C12orf50: variants seen among roughly 807,000 people sequenced by gnomAD.
C12orf50 encodes the protein uncharacterized protein C12orf50.
A neutral mutation model predicts 61.6 loss-of-function variants in C12orf50; 35 were observed. The observed-to-expected ratio is 0.57, with a 90% CI of 0.43 to 0.75. The LOEUF (loss-of-function observed/expected upper bound fraction) is 0.75. Among genes scored for constraint, C12orf50 ranks in the 30% least tolerant of loss-of-function variants. The pLI, the probability that C12orf50 is intolerant of heterozygous loss-of-function variation, is 0.00. For missense variants in C12orf50, 475 were observed against 488.5 expected (o/e 0.97, Z 0.26); for synonymous variants, 178 against 161.5 (o/e 1.10, Z -0.77).
In C12orf50 at chr12:88,010,682, C is replaced by T. The variant is rs542246966; in HGVS notation, c.134-12492G>A. ...GATATTTCATCAAAAATAAAGACCACTGCTCATCACACCTTTCTATTTAAT... is the reference window on the plus strand; with the variant it reads ...GATATTTCATCAAAAATAAAGACCATTGCTCATCACACCTTTCTATTTAAT... On this transcript the variant is annotated intron_variant, in intron 3 of 12. Coordinates refer to ENST00000298699, the MANE Select transcript of C12orf50 (RefSeq NM_152589.3). Among the ~76,000 whole-genome samples the T allele has an allele frequency of 1.7e-4, 26 of 151,900 alleles. No homozygotes were observed. The East Asian group carries it at 3.7e-3, about 22-fold the overall frequency.
intron 3 of C12orf50, among the ~76,000 whole-genome samples, chr12:88,017,056 C>T (rs4551847): frequency 6.6e-6 from 1 of 152,126 alleles, no homozygotes; most frequent in East Asian, 1.9e-4. Flanking sequence ...CAGGAACATG[C>T]TAATATGCAC....
intron 3 of C12orf50, among the ~76,000 whole-genome samples, chr12:88,014,072 C>T (rs2032214548): frequency 1.3e-5 from 2 of 152,042 alleles, no homozygotes; most frequent in South Asian, 4.2e-4. Context: ...GAATATCTCA[C>T]TCTAATACTG....
At chr12:88,010,285 G>A (rs1235213204) in intron 3 of C12orf50, among the ~76,000 whole-genome samples, 1 of 151,676 alleles carries the variant, frequency 6.6e-6, no homozygotes. Context: ...AGCATCTCTT[G>A]ACTATTTCTG....
chr12:87,994,713 C>T lies in C12orf50; in HGVS notation c.512G>A (p.Ser171Asn). Residue 171 changes from serine to asparagine, a missense_variant, in exon 7 of 13, where the codon AGC becomes AAC. Physicochemically the swap from Ser to Asn is conservative, Grantham distance 46. Transcript: ENST00000298699. ...TATTTCACCTTGCCTTTCATATTGG[C>T]TAAGTTTTGTCGGAACTGTAAGACT... Reference protein sequence around the residue: ...GDSLTVPTKLSQYERQGEIKT... With the variant: ...GDSLTVPTKLNQYERQGEIKT... The T allele has an allele frequency of 6.2e-7, 1 of 1,612,836 alleles. No individual in the cohort carries two copies. The highest frequency in any genetic ancestry group is 1.1e-5 in the South Asian group (1 of 91,028).
At chr12:87,999,464 A>T (rs562128157) in intron 3 of C12orf50, among the ~76,000 whole-genome samples, 373 of 152,226 alleles carry the variant, frequency 2.5e-3, no homozygotes, top group Non-Finnish European at 4.3e-3. Context: ...ATGAGATATC[A>T]CTTCATACTA....
chr12:87,987,051 G>A (rs1245582262), intron 9 of C12orf50, among the ~76,000 whole-genome samples: 2 of 151,924 alleles, frequency 1.3e-5, no homozygotes, highest in Non-Finnish European at 2.9e-5. Context: ...TTTGTAGAGG[G>A]GGCATTCTGT....
At chr12:88,002,696 A>G (rs2031700957) in intron 3 of C12orf50, among the ~76,000 whole-genome samples, 1 of 151,686 alleles carries the variant, frequency 6.6e-6, no homozygotes, top group Non-Finnish European at 1.5e-5. Context: ...TTCACATTTA[A>G]TATAATTATT....
Position 87,983,112 on chromosome 12 carries a change from T to A in C12orf50, c.1210A>T (p.Ile404Leu), listed in dbSNP as rs2030598547. ...FSKTYSKSEKIYPEPRRNGSK is the reference protein window; with the variant it reads ...FSKTYSKSEKLYPEPRRNGSK Reference sequence around the variant, plus strand: ...ACTTATAAATAGTTACCTGGATATATCTTTTCACTTTTTGAATATGTTTTT... The same window carrying A: ...ACTTATAAATAGTTACCTGGATATAACTTTTCACTTTTTGAATATGTTTTT... Residue 404 changes from isoleucine to leucine, a missense_variant, in exon 12 of 13, where the codon ATA (isoleucine) becomes TTA (leucine). Physicochemically the swap from Ile to Leu is conservative, Grantham distance 5. Coordinates refer to ENST00000298699, the MANE Select transcript of C12orf50 (RefSeq NM_152589.3). 1 of 1,577,388 alleles carries A rather than the reference T, an allele frequency of 6.3e-7. No individual in the cohort carries two copies. The highest frequency in any genetic ancestry group is 1.7e-5 in the Admixed American group (1 of 59,260).
At chr12:87,989,022 A>G (rs1383785923) in intron 8 of C12orf50, among the ~76,000 whole-genome samples, 3 of 152,108 alleles carry the variant, frequency 2.0e-5, no homozygotes, top group Non-Finnish European at 4.4e-5. Flanking sequence ...AGAACCAGTA[A>G]CTTTAGAACT....
At chr12:88,010,420 A>ATTC in intron 3 of C12orf50, among the ~76,000 whole-genome samples, 13 of 123,786 alleles carry the variant, frequency 1.1e-4, no homozygotes, top group African/African-American at 3.8e-4. Context: ...TTATAAGATT[A>ATTC]AAATTATTAT....
At chr12:87,992,602 C>G (rs1484684186) in intron 7 of C12orf50, among the ~76,000 whole-genome samples, 1 of 152,010 alleles carries the variant, frequency 6.6e-6, no homozygotes, top group African/African-American at 2.4e-5. Flanking sequence ...AGAATCCAAA[C>G]TAAGAGTTCA....
intron 12 of C12orf50, among the ~76,000 whole-genome samples, chr12:87,981,881 GC>G (rs2030493482): frequency 6.6e-6 from 1 of 152,136 alleles, no homozygotes; most frequent in East Asian, 1.9e-4. Flanking sequence ...TCTCTTCAAA[GC>G]TTTTCTCCCT....
At chr12:87,991,694 A>T (rs1592652014) in intron 7 of C12orf50, among the ~76,000 whole-genome samples, 1 of 152,216 alleles carries the variant, frequency 6.6e-6, no homozygotes, top group Non-Finnish European at 1.5e-5. Flanking sequence ...ACAATGATGT[A>T]CCACTAGCCA....
intron 4 of C12orf50, 21 bp from the exon 5 acceptor site, chr12:87,996,667 A>T (rs1393379989): frequency 6.4e-7 from 1 of 1,552,182 alleles, no homozygotes; most frequent in East Asian, 2.2e-5. Context: ...TAGATTTTTT[A>T]AATTAAATTG....
chr12:87,997,342 A>G (rs1474893789), intron 4 of C12orf50, among the ~76,000 whole-genome samples: 1 of 152,180 alleles, frequency 6.6e-6, no homozygotes, highest in Non-Finnish European at 1.5e-5. Flanking sequence ...TTAGAAACAT[A>G]TATAAAAAAC....
intron 3 of C12orf50, among the ~76,000 whole-genome samples, chr12:88,001,651 A>G (rs1386817390): frequency 1.3e-5 from 2 of 151,400 alleles, no homozygotes; most frequent in East Asian, 3.9e-4. Context: ...GTTTTCAAAT[A>G]CCCAATCAAT....
intron 12 of C12orf50, among the ~76,000 whole-genome samples, 159 bp from the exon 13 acceptor site, chr12:87,980,515 C>T (rs113217680): frequency 5.0e-4 from 76 of 152,132 alleles, no homozygotes; most frequent in African/African-American, 1.6e-3. Flanking sequence ...TCAAATAGTC[C>T]ACTTCTTTTT....
chr12:88,008,722 A>ATT (rs1324135177), intron 3 of C12orf50, among the ~76,000 whole-genome samples: 10 of 152,268 alleles, frequency 6.6e-5, no homozygotes, highest in African/African-American at 2.4e-4. Flanking sequence ...CACCTAAGTC[A>ATT]TGTAATAATA....
chr12:88,003,760 T>C (rs1465358098), intron 3 of C12orf50, among the ~76,000 whole-genome samples: 1 of 152,078 alleles, frequency 6.6e-6, no homozygotes, highest in Non-Finnish European at 1.5e-5. Flanking sequence ...TATTTATCTT[T>C]TTTCATATGA....
Sources: gnomAD v4.1 joint callset for allele counts (sites outside exome capture counted in the v4.1 genomes callset) on GRCh38, gnomAD v4.1.1 for gene constraint, MANE v1.5 for transcripts, NCBI Gene and HGNC (gene_info 2026-07-23, HGNC 2026-07-21) for gene names.